UNC5B: variants seen among roughly 807,000 people sequenced by gnomAD.
The protein encoded by UNC5B is unc-5 netrin receptor B.
A neutral mutation model predicts 103.7 loss-of-function variants in UNC5B; 56 were observed. The observed-to-expected ratio is 0.54, with a 90% CI of 0.44 to 0.67. The LOEUF (loss-of-function observed/expected upper bound fraction) is 0.67, where lower values mean the gene tolerates loss of function less well. Ranked by LOEUF, UNC5B falls within the 30% of genes least tolerant of loss-of-function variation. The pLI, the probability that UNC5B is intolerant of heterozygous loss-of-function variation, is 0.00. For missense variants in UNC5B, 1,194 were observed against 1,284.5 expected, an observed-to-expected ratio of 0.93 and a Z score of 1.08; for synonymous variants, 577 against 542.0, an observed-to-expected ratio of 1.06 and a Z score of -0.90.
rs1187444688 is a variant in UNC5B at position 71,284,811 on chromosome 10, C to A, written c.396C>A (p.Ala132=). Residue 132 remains alanine, a synonymous_variant, in exon 3 of 17, where the codon GCC becomes GCA. Transcript: ENST00000335350. ...GLEDYWCQCV[A]WSSAGTTKSR... is the part of the protein sequence containing the mutation. ...AGGATTACTGGTGCCAGTGCGTGGC[C>A]TGGAGCTCCGCGGGCACCACCAAGA... is the stretch of plus-strand genomic sequence containing the variant. 6.2e-7 allele frequency: 1 copy of A among 1,613,760 alleles called. No homozygotes were observed. Among genetic ancestry groups the A allele is most frequent in the African/African-American group, 1.3e-5 (1 of 75,036 alleles).
At chr10:71,297,826 G>C in intron 15 of UNC5B, 83 bp from the exon 16 acceptor site, 1 of 1,430,696 alleles carries the variant, frequency 7.0e-7, no homozygotes, top group Non-Finnish European at 9.4e-7. Flanking sequence ...AAGGCTCAAT[G>C]AGCTCACAGT....
chr10:71,219,391 C>T (rs538349762), intron 1 of UNC5B, among the ~76,000 whole-genome samples: 1 of 152,122 alleles, frequency 6.6e-6, no homozygotes, highest in Non-Finnish European at 1.5e-5. Flanking sequence ...GTTCCAAAAC[C>T]GAAGAACTTC....
At chr10:71,288,140 A>G (rs10762435) in intron 6 of UNC5B, among the ~76,000 whole-genome samples, 119,487 of 152,120 alleles carry the variant, frequency 0.79, 47,742 homozygotes, top group Middle Eastern at 0.87. Flanking sequence ...GTGGCCACAG[A>G]CCCTATTCAT....
intron 1 of UNC5B, among the ~76,000 whole-genome samples, chr10:71,261,649 C>A (rs1316331938): frequency 6.6e-6 from 1 of 152,194 alleles, no homozygotes; most frequent in Non-Finnish European, 1.5e-5. Context: ...CTTCCTTGTG[C>A]CCCTCCTTGT....
At chr10:71,281,541 C>T (rs1323077222) in intron 2 of UNC5B, among the ~76,000 whole-genome samples, 3 of 152,192 alleles carry the variant, frequency 2.0e-5, no homozygotes, top group Non-Finnish European at 4.4e-5. Flanking sequence ...GGGATTTCAC[C>T]GTGTTAGCCA....
intron 1 of UNC5B, among the ~76,000 whole-genome samples, chr10:71,230,908 G>A (rs1843669255): frequency 6.6e-6 from 1 of 152,248 alleles, no homozygotes; most frequent in East Asian, 1.9e-4. Context: ...TATATGGAGA[G>A]CAGCCAGGAA....
At chr10:71,283,008 T>C (rs1012043112) in intron 2 of UNC5B, among the ~76,000 whole-genome samples, 2 of 152,124 alleles carry the variant, frequency 1.3e-5, no homozygotes, top group African/African-American at 4.8e-5. Flanking sequence ...TAGTCCCAGC[T>C]ACTCGGGAGG....
rs1294772486 is a variant in UNC5B, at chr10:71,284,781, G to T, written c.366G>T (p.Gly122=). 6.2e-7 allele frequency: 1 copy of T among 1,613,832 alleles called. No homozygotes were observed. ...VSRQQVEELF[G]LEDYWCQCVA... is the part of the protein sequence containing the mutation. ...GGCAGCAGGTGGAGGAGCTCTTTGG[G>T]CTGGAGGATTACTGGTGCCAGTGCG... The change falls in exon 3 of 17, where the codon GGG becomes GGT. Residue 122 remains glycine (G), a synonymous_variant. Transcript: ENST00000335350.
At chr10:71,288,784 A>G in intron 7 of UNC5B, 52 bp downstream of exon 7, 1 of 1,557,258 alleles carries the variant, frequency 6.4e-7, no homozygotes, top group African/African-American at 1.4e-5. Context: ...GGAGCCATGT[A>G]AGGGTCCCCC....
Position 71,291,025 on chromosome 10 carries a change from C to A in UNC5B, c.1210C>A (p.Arg404Ser), listed in dbSNP as rs139601435. ...VGVVVYRRNC[R>S]DFDTDITDSS... ...GGTGGTGGTGTACCGCCGCAACTGC[C>A]GTGACTTCGACACAGACATCACTGA... The change falls in exon 9 of 17, where the codon CGT (arginine) becomes AGT (serine). Residue 404 changes from arginine (R) to serine (S), a missense_variant. By Grantham distance (110) the Arg-to-Ser change is moderately radical (BLOSUM62 -1). Transcript: ENST00000335350. 1 of 1,613,998 alleles carries A rather than the reference C, an allele frequency of 6.2e-7. No individual in the cohort carries two copies. The highest frequency in any genetic ancestry group is 8.5e-7 in the Non-Finnish European group (1 of 1,180,024).
At chr10:71,247,530 T>TC (rs1215772869) in intron 1 of UNC5B, among the ~76,000 whole-genome samples, 5 of 152,198 alleles carry the variant, frequency 3.3e-5, no homozygotes, top group African/African-American at 1.2e-4. Flanking sequence ...GACGTTGCAG[T>TC]CAGCTGGAGG....
At chr10:71,281,580 T>TC in intron 2 of UNC5B, among the ~76,000 whole-genome samples, 1 of 152,300 alleles carries the variant, frequency 6.6e-6, no homozygotes, top group Admixed American at 6.5e-5. Flanking sequence ...GACCTCGTGA[T>TC]CCCCCGGCCT....
chr10:71,276,429 A>T (rs1345137669), intron 1 of UNC5B, among the ~76,000 whole-genome samples: 1 of 152,022 alleles, frequency 6.6e-6, no homozygotes, highest in East Asian at 1.9e-4. Context: ...GGCCAAGGAG[A>T]AGTGAGGGCT....
At chr10:71,285,490 C>T in intron 4 of UNC5B, 61 bp downstream of exon 4, 3 of 1,422,692 alleles carry the variant, frequency 2.1e-6, no homozygotes, top group South Asian at 1.3e-5. Context: ...AGAAGCCAGG[C>T]AGGCATGGTA....
At chr10:71,253,366 TC>T (rs1844219934) in intron 1 of UNC5B, among the ~76,000 whole-genome samples, 1 of 152,132 alleles carries the variant, frequency 6.6e-6, no homozygotes, top group Admixed American at 6.5e-5. Context: ...GTCCTTCCCT[TC>T]CCCCGACACC....
intron 11 of UNC5B, among the ~76,000 whole-genome samples, chr10:71,293,067 A>G (rs1178325390): frequency 6.6e-6 from 1 of 152,196 alleles, no homozygotes; most frequent in East Asian, 1.9e-4. Flanking sequence ...CTTCTGTGGC[A>G]CGTGGCCGGG....
chr10:71,213,100 G>T lies in UNC5B; in HGVS notation c.79+36G>T, dbSNP rs776036666. The stretch of plus-strand genomic sequence containing the variant: ...ATCGGGTCTGGGGGCGCGGGGCTAG[G>T]GGACCCTTGCGCCTCACTCTGTCCT... On this transcript the variant is annotated intron_variant, in intron 1 of 16. Coordinates refer to ENST00000335350, the MANE Select transcript of UNC5B (RefSeq NM_170744.5). The surrounding 1 kb of genome is among the most constrained non-coding windows in gnomAD (Gnocchi z 4.1). 1 of 1,264,248 alleles carries T rather than the reference G, an allele frequency of 7.9e-7. No individual in the cohort carries two copies. The allele number at this position is 1,264,248 out of a possible 1,614,324, so 78.3% of individuals were successfully genotyped here.
At chr10:71,228,642 A>G (rs749683542) in intron 1 of UNC5B, among the ~76,000 whole-genome samples, 12 of 152,378 alleles carry the variant, frequency 7.9e-5, no homozygotes, top group South Asian at 4.1e-4. Context: ...CACATATTGT[A>G]AAACAACTAC....
chr10:71,258,224 G>T (rs867581552), intron 1 of UNC5B, among the ~76,000 whole-genome samples: 1 of 152,176 alleles, frequency 6.6e-6, no homozygotes, highest in South Asian at 2.1e-4. Flanking sequence ...ACTGAGTAAG[G>T]TTCCCTCACT....
Sources: gnomAD v4.1 joint callset for allele counts (sites outside exome capture counted in the v4.1 genomes callset) on GRCh38, gnomAD v4.1.1 for gene constraint, Gnocchi (gnomAD v3.1) non-coding constraint, MANE v1.5 for transcripts, NCBI Gene and HGNC (gene_info 2026-07-23, HGNC 2026-07-21) for gene names.